Variants in C5 observed in about 807,000 individuals in gnomAD.
C5 encodes C3 and PZP-like alpha-2-macroglobulin domain-containing protein 4.
In C5, 140 loss-of-function variants were observed where a neutral mutation model predicts 218.8. The ratio of observed to expected loss-of-function variants is 0.64; its 90% confidence interval spans 0.56 to 0.74. The LOEUF is 0.74. Among genes scored for constraint, C5 ranks in the 30% least tolerant of loss-of-function variants. The probability of loss-of-function intolerance (pLI) is 0.00; values close to 1 mark genes in which losing one functional copy is unlikely to be tolerated. For synonymous variants in C5, 614 were observed against 682.3 expected, an observed-to-expected ratio of 0.90 and a Z score of 1.56; for missense variants, 1,700 against 1,969.6, an observed-to-expected ratio of 0.86 and a Z score of 2.59.
At chr9:120,959,253 TTTCTTTCTTTC>T (rs1322027815) in intron 38 of C5, among the ~76,000 whole-genome samples, 3 of 145,684 alleles carry the variant, frequency 2.1e-5, no homozygotes, top group African/African-American at 8.3e-5. Context: ...TCTTTCTTTC[TTTCTTTCTTTC>T]TTTTTTTTTT....
intron 34 of C5, 149 bp downstream of exon 34, chr9:120,963,487 G>C: frequency 1.5e-6 from 1 of 659,346 alleles, no homozygotes; most frequent in South Asian, 1.7e-5. Flanking sequence ...TGGGCAACAA[G>C]AGTGAAAATC....
At chr9:120,981,538 C>T (rs2046992555) in intron 27 of C5, among the ~76,000 whole-genome samples, 1 of 152,216 alleles carries the variant, frequency 6.6e-6, no homozygotes, top group Admixed American at 6.5e-5. Flanking sequence ...GATCATTCTT[C>T]CATCCCAGTC....
At chr9:121,014,736 C>T (rs1040815468) in intron 16 of C5, among the ~76,000 whole-genome samples, 21 of 152,160 alleles carry the variant, frequency 1.4e-4, no homozygotes, top group African/African-American at 5.1e-4. Context: ...GACGAATTAT[C>T]ATAACCATTT....
chr9:121,030,479 G>T lies in C5; in HGVS notation c.676C>A (p.His226Asn). The T allele has an allele frequency of 6.5e-7, 1 of 1,543,688 alleles. No individual in the cohort carries two copies. Among genetic ancestry groups the T allele is most frequent in the Non-Finnish European group, 8.8e-7 (1 of 1,139,042 alleles). The change falls in exon 7 of 41, where the codon CAT becomes AAT. Residue 226 changes from histidine (H) to asparagine (N), a missense_variant. Coordinates refer to ENST00000223642, the MANE Select transcript of C5 (RefSeq NM_001735.3). Reference sequence around the variant, plus strand: ...TCTGGCTCGATTGAGACAGAAAAATGTGGCAAGACTGAAAATAAAAACAAA... The same window carrying T: ...TCTGGCTCGATTGAGACAGAAAAATTTGGCAAGACTGAAAATAAAAACAAA... Reference protein sequence around the residue: ...YFEVKEYVLPHFSVSIEPEYN... With the variant: ...YFEVKEYVLPNFSVSIEPEYN...
intron 28 of C5, among the ~76,000 whole-genome samples, chr9:120,979,121 A>T (rs950444516): frequency 1.3e-5 from 2 of 151,634 alleles, no homozygotes; most frequent in Admixed American, 1.3e-4. Context: ...ACCTGACCTC[A>T]CTTCCTACTC....
Position 121,017,839 on chromosome 9 carries a change from C to T in C5, c.1520G>A (p.Gly507Asp). The change falls in exon 13 of 41, where the codon GGC (glycine) becomes GAC (aspartate). Residue 507 changes from glycine (G) to aspartate (D), a missense_variant. Physicochemically the swap from Gly to Asp is moderately conservative, Grantham distance 94. Coordinates refer to ENST00000223642, the MANE Select transcript of C5 (RefSeq NM_001735.3). ...CCTCGTGCCAAAGTGGATAATTTTG[C>T]CCTTGGATAAAATCTAAAAATAAAC... ...THYNYLILSK[G>D]KIIHFGTREK... is the part of the protein sequence containing the mutation. The T allele has an allele frequency of 1.9e-6, 3 of 1,610,574 alleles. No homozygotes were observed. Among genetic ancestry groups the T allele is most frequent in the Non-Finnish European group, 2.5e-6 (3 of 1,177,224 alleles).
At chr9:120,955,877 A>C (rs2046780678) in intron 39 of C5, among the ~76,000 whole-genome samples, 2 of 152,030 alleles carry the variant, frequency 1.3e-5, no homozygotes, top group Admixed American at 1.3e-4. Context: ...CCCCGTCTCA[A>C]AAGAAAAAAA....
At chr9:120,959,115 C>T (rs952396497) in intron 38 of C5, among the ~76,000 whole-genome samples, 7 of 151,852 alleles carry the variant, frequency 4.6e-5, no homozygotes, top group African/African-American at 9.7e-5. Context: ...AGACCCTTTC[C>T]GTAAGAATGA....
intron 1 of C5, among the ~76,000 whole-genome samples, chr9:121,049,075 G>C (rs1196320089): frequency 1.3e-5 from 2 of 152,080 alleles, no homozygotes; most frequent in African/African-American, 4.8e-5. Flanking sequence ...TGCTATATCT[G>C]CAGTGCCTAT....
rs2046942270 is a variant in C5, at chr9:120,974,938, G to C, written c.3865-7C>G. 3 of 1,613,938 alleles carry C rather than the reference G, an allele frequency of 1.9e-6. No homozygotes were observed. In the South Asian group the frequency reaches 3.3e-5, roughly 18 times the overall value. Reference sequence around the variant, plus strand: ...CAATGGCATTGATTGTGTCCTGTCAGCAATCAGCAAGGCACAAAAATATGT... The same window carrying C: ...CAATGGCATTGATTGTGTCCTGTCACCAATCAGCAAGGCACAAAAATATGT... On this transcript the variant is annotated splice_region_variant and splice_polypyrimidine_tract_variant and intron_variant, in intron 29 of 40. Transcript: ENST00000223642.
chr9:120,997,448 T>C (rs1472732979), intron 21 of C5, 99 bp downstream of exon 21: 3 of 926,778 alleles, frequency 3.2e-6, no homozygotes, highest in African/African-American at 3.3e-5. Flanking sequence ...TAATGCTTAA[T>C]GTTTCGTTAA....
chr9:121,008,784 G>C (rs1338899298), intron 17 of C5, among the ~76,000 whole-genome samples: 1 of 152,050 alleles, frequency 6.6e-6, no homozygotes, highest in Non-Finnish European at 1.5e-5. Flanking sequence ...ACAAAAATTA[G>C]CTGGGCATGG....
intron 25 of C5, among the ~76,000 whole-genome samples, chr9:120,987,219 C>T (rs1218917188): frequency 6.6e-6 from 1 of 152,026 alleles, no homozygotes; most frequent in African/African-American, 2.4e-5. Flanking sequence ...AGAAGTTAGG[C>T]CTTGAGACAT....
chr9:120,963,722 C>T lies in C5; in HGVS notation c.4237G>A (p.Glu1413Lys). The T allele has an allele frequency of 6.2e-7, 1 of 1,612,688 alleles. No individual in the cohort carries two copies. Among genetic ancestry groups the T allele is most frequent in the Non-Finnish European group, 8.5e-7 (1 of 1,178,872 alleles). Residue 1413 changes from glutamate (E) to lysine (K), a missense_variant, in exon 34 of 41, where the codon GAA (glutamate) becomes AAA (lysine). Physicochemically the swap from Glu to Lys is moderately conservative, Grantham distance 56. Coordinates refer to ENST00000223642, the MANE Select transcript of C5 (RefSeq NM_001735.3). Reference protein sequence around the residue: ...VACASYKPSREESSSGSSHAV... With the variant: ...VACASYKPSRKESSSGSSHAV... ...TGAGAGGATCCAGATGATGATTCTT[C>T]CCTGCTGGGCTTGTAGCTAAAATAA...
At chr9:121,065,827 T>A in the C5 span, among the ~76,000 whole-genome samples, 8 of 151,802 alleles carry the variant, frequency 5.3e-5, no homozygotes, top group East Asian at 1.5e-3. Context: ...TAATTTTTAA[T>A]AAAAGGGTAA....
intron 2 of C5, among the ~76,000 whole-genome samples, chr9:121,044,284 G>C (rs2047606436): frequency 6.6e-6 from 1 of 152,082 alleles, no homozygotes; most frequent in South Asian, 2.1e-4. Context: ...AGACCATCCT[G>C]GCCAACATGG....
chr9:121,006,495 T>C (rs1022182578), intron 19 of C5, among the ~76,000 whole-genome samples: 1 of 152,128 alleles, frequency 6.6e-6, no homozygotes, highest in African/African-American at 2.4e-5. Context: ...AGAGAGTTCA[T>C]TTATTTGTTT....
chr9:121,032,074 AC>A lies in C5; in HGVS notation c.667+38del, dbSNP rs535392290. The stretch of plus-strand genomic sequence containing the variant: ...CGAGACTCCATCTCAAAAACAAAAA[AC>A]AAAAAGCAAAGAAAAACTTTTACTT... On this transcript the variant is annotated intron_variant, in intron 6 of 40. Coordinates refer to ENST00000223642, the MANE Select transcript of C5 (RefSeq NM_001735.3). 1.7e-4 allele frequency: 232 copies of A among 1,340,532 alleles called. No homozygotes were observed. In the African/African-American group the frequency reaches 2.9e-3, roughly 17 times the overall value. 83.0% of individuals were successfully genotyped at this position (1,340,532 alleles called of 1,614,324 possible).
At chr9:121,034,767 C>T (rs1260065169) in intron 5 of C5, 36 bp downstream of exon 5, 1 of 1,177,544 alleles carries the variant, frequency 8.5e-7, no homozygotes, top group Admixed American at 1.7e-5. Context: ...ACCAAAAGTT[C>T]CGTATGTGGT....
Sources: gnomAD v4.1 joint callset for allele counts (sites outside exome capture counted in the v4.1 genomes callset) on GRCh38, gnomAD v4.1.1 for gene constraint, MANE v1.5 for transcripts, NCBI Gene and HGNC (gene_info 2026-07-23, HGNC 2026-07-21) for gene names.